Variants in GOLGA1 observed in about 807,000 individuals in gnomAD.
GOLGA1 encodes the protein golgin A1.
In GOLGA1, 63 loss-of-function variants were observed where a neutral mutation model predicts 119.7. The observed-to-expected ratio is 0.53, with a 90% CI of 0.43 to 0.65. The LOEUF (loss-of-function observed/expected upper bound fraction) is 0.65, where lower values mean the gene tolerates loss of function less well. Among genes scored for constraint, GOLGA1 ranks in the 30% least tolerant of loss-of-function variants. The pLI is 0.00. For synonymous variants in GOLGA1, 318 were observed against 333.4 expected (o/e 0.95, Z 0.50); for missense variants, 798 against 912.8 (o/e 0.87, Z 1.62).
At chr9:124,882,278 G>C (rs1829605336) in intron 20 of GOLGA1, among the ~76,000 whole-genome samples, 1 of 152,232 alleles carries the variant, frequency 6.6e-6, no homozygotes, top group African/African-American at 2.4e-5. Flanking sequence ...TTCCAGATGA[G>C]GATGCAGGCT....
intron 7 of GOLGA1, among the ~76,000 whole-genome samples, chr9:124,926,408 C>A (rs908168222): frequency 1.3e-5 from 2 of 152,142 alleles, no homozygotes; most frequent in African/African-American, 2.4e-5. Flanking sequence ...ACTGGCTGAA[C>A]CCAACCGGAT....
chr9:124,928,585 G>A (rs957778778), intron 5 of GOLGA1, among the ~76,000 whole-genome samples: 1 of 152,126 alleles, frequency 6.6e-6, no homozygotes, highest in African/African-American at 2.4e-5. Flanking sequence ...CACTGAGTTA[G>A]GTAGGTTGCC....
At chr9:124,940,832 A>T (rs1186268618) in intron 1 of GOLGA1, 139 bp downstream of exon 1, 4 of 152,206 alleles carry the variant, frequency 2.6e-5, no homozygotes, top group Non-Finnish European at 5.9e-5. Flanking sequence ...CTCCGCCCCC[A>T]CTCTCACCCT....
intron 10 of GOLGA1, among the ~76,000 whole-genome samples, chr9:124,919,522 G>A (rs1232947029): frequency 6.6e-6 from 1 of 152,166 alleles, no homozygotes; most frequent in South Asian, 2.1e-4. Flanking sequence ...ATGAGTTCTG[G>A]AGTAAGACTT....
At chr9:124,910,421 A>G (rs1265258862) in intron 11 of GOLGA1, among the ~76,000 whole-genome samples, 2 of 152,228 alleles carry the variant, frequency 1.3e-5, no homozygotes, top group African/African-American at 2.4e-5. Flanking sequence ...ATTAAACATT[A>G]TAATAATGAT....
chr9:124,912,674 C>A (rs1331034974), intron 10 of GOLGA1, among the ~76,000 whole-genome samples: 5 of 152,128 alleles, frequency 3.3e-5, no homozygotes, highest in Non-Finnish European at 7.3e-5. Flanking sequence ...TCCCGAGTAG[C>A]TGGGACTACA....
rs1829769149 is a variant in GOLGA1 at position 124,888,191 on chromosome 9, T to C, written c.1905+62A>G. The C allele has an allele frequency of 6.7e-7, 1 of 1,491,090 alleles. No individual in the cohort carries two copies. The highest frequency in any genetic ancestry group is 9.3e-7 in the Non-Finnish European group (1 of 1,070,816). 92.4% of individuals were successfully genotyped at this position (1,491,090 alleles called of 1,614,324 possible). A position where few individuals can be genotyped will look rare whatever the true frequency, so the allele number is the denominator to read the frequency against. ...AAACCTCCAAGGATGGACTGGGTCA[T>C]TTTAGGCCTGAGGGTGAGGACCTGG... On this transcript the variant is annotated intron_variant, in intron 19 of 22. Coordinates refer to ENST00000373555, the MANE Select transcript of GOLGA1 (RefSeq NM_002077.4). This position sits in a 1 kb window ranked among gnomAD's most constrained non-coding sequence, Gnocchi z 4.4.
chr9:124,890,682 C>T (rs1019999206), intron 15 of GOLGA1, among the ~76,000 whole-genome samples: 1 of 152,144 alleles, frequency 6.6e-6, no homozygotes, highest in Non-Finnish European at 1.5e-5. Context: ...CCACCGACTT[C>T]TCTGGAAATG....
At chr9:124,921,998 C>T (rs932551561) in intron 8 of GOLGA1, 106 bp from the exon 9 acceptor site, 20 of 904,006 alleles carry the variant, frequency 2.2e-5, no homozygotes, top group Non-Finnish European at 1.8e-6. Flanking sequence ...GAGGCTGAGG[C>T]AGGTGGATCA....
At chr9:124,936,534 G>T (rs184475280) in intron 3 of GOLGA1, among the ~76,000 whole-genome samples, 111 of 151,798 alleles carry the variant, frequency 7.3e-4, no homozygotes, top group Non-Finnish European at 1.4e-3. Context: ...CCAAACTCCT[G>T]GGCTCAAGCG....
At position 124,922,861 on chromosome 9, in the gene GOLGA1, A is replaced by C. The variant is rs138552069; in HGVS notation, c.561+234T>G. Among the ~76,000 whole-genome samples the C allele has an allele frequency of 7.0e-4, 107 of 151,812 alleles. 1 individual carries two copies. In the East Asian group the frequency reaches 0.015, roughly 21 times the overall value. ...GAGAATTTATATACCCAGTAGTTAA[A>C]AACAAAACAAAACAAAACAAAACAA... is the stretch of plus-strand genomic sequence containing the variant. On this transcript the variant is annotated intron_variant, in intron 8 of 22. Coordinates refer to ENST00000373555, the MANE Select transcript of GOLGA1 (RefSeq NM_002077.4).
At chr9:124,906,507 T>A (rs917022285) in intron 12 of GOLGA1, among the ~76,000 whole-genome samples, 4 of 151,916 alleles carry the variant, frequency 2.6e-5, no homozygotes, top group Admixed American at 2.6e-4. Flanking sequence ...CCCAGCACTT[T>A]GGGAGGCCAA....
At chr9:124,900,616 A>T in intron 12 of GOLGA1, 69 bp from the exon 13 acceptor site, 1 of 699,432 alleles carries the variant, frequency 1.4e-6, no homozygotes, top group Non-Finnish European at 2.5e-6. Context: ...TGGCTTTAAA[A>T]TGCAAAGCGA....
At chr9:124,922,021 A>T (rs1830580128) in intron 8 of GOLGA1, 129 bp from the exon 9 acceptor site, 5 of 741,228 alleles carry the variant, frequency 6.7e-6, no homozygotes, top group Non-Finnish European at 1.2e-5. Flanking sequence ...TGAGGTCAGG[A>T]GTTTGAGACC....
Position 124,937,630 on chromosome 9 carries a change from C to CA in GOLGA1, c.135+946dup, listed in dbSNP as rs11343969. 2.8e-4 allele frequency among the ~76,000 whole-genome samples: 36 copies of CA among 130,604 alleles called. 1 individual carries two copies. The highest frequency in any genetic ancestry group is 1.2e-3 in the East Asian group (5 of 4,250). 85.7% of individuals were successfully genotyped at this position (130,604 alleles called of 152,430 possible). A position where few individuals can be genotyped will look rare whatever the true frequency, so the allele number is the denominator to read the frequency against. On this transcript the variant is annotated intron_variant, in intron 3 of 22. Coordinates refer to ENST00000373555, the MANE Select transcript of GOLGA1 (RefSeq NM_002077.4). ...TGGCTGACAGAGTGAGACTCTGTCT[C>CA]AAAAAAAAAAAAAAGAAGAGAAAAG...
chr9:124,909,217 G>T (rs1395659903), intron 11 of GOLGA1, among the ~76,000 whole-genome samples: 2 of 151,922 alleles, frequency 1.3e-5, no homozygotes, highest in Non-Finnish European at 2.9e-5. Flanking sequence ...GGAGGTTGAG[G>T]CAGGAGAATT....
intron 19 of GOLGA1, among the ~76,000 whole-genome samples, chr9:124,886,269 A>G (rs1169991699): frequency 6.6e-6 from 1 of 152,188 alleles, no homozygotes; most frequent in African/African-American, 2.4e-5. Flanking sequence ...CGCACAGTGC[A>G]GAGAAGAGCT....
chr9:124,917,274 G>A (rs1372036856), intron 10 of GOLGA1, among the ~76,000 whole-genome samples: 1 of 152,154 alleles, frequency 6.6e-6, no homozygotes, highest in Admixed American at 6.5e-5. Context: ...TAACCTGAGG[G>A]ATAGCTCAGA....
In GOLGA1 at chr9:124,888,165, A is replaced by G. The variant is rs1484609407; in HGVS notation, c.1905+88T>C. On this transcript the variant is annotated intron_variant, in intron 19 of 22. Coordinates refer to ENST00000373555, the MANE Select transcript of GOLGA1 (RefSeq NM_002077.4). The surrounding 1 kb of genome is among the most constrained non-coding windows in gnomAD (Gnocchi z 4.4). ...GCCAGGAGGTGCGGGGGAAACCACA[A>G]AAACCTCCAAGGATGGACTGGGTCA... The G allele has an allele frequency of 2.4e-5, 32 of 1,330,576 alleles. No homozygotes were observed. Among genetic ancestry groups the G allele is most frequent in the Non-Finnish European group, 3.3e-5 (31 of 934,588 alleles). The allele number at this position is 1,330,576 out of a possible 1,614,324, so 82.4% of individuals were successfully genotyped here.
Sources: gnomAD v4.1 joint callset for allele counts (sites outside exome capture counted in the v4.1 genomes callset) on GRCh38, gnomAD v4.1.1 for gene constraint, Gnocchi (gnomAD v3.1) non-coding constraint, MANE v1.5 for transcripts, NCBI Gene and HGNC (gene_info 2026-07-23, HGNC 2026-07-21) for gene names.